The following AGBL1 variants were observed in gnomAD, a reference collection of about 807,000 sequenced individuals.
AGBL1 encodes AGBL carboxypeptidase 1, also known as cytosolic carboxypeptidase 4.
In AGBL1, 130 loss-of-function variants were observed where a neutral mutation model predicts 118.9. That is an observed-to-expected ratio of 1.09 (90% CI 0.95 to 1.26). The LOEUF (loss-of-function observed/expected upper bound fraction) is 1.26. AGBL1 is among the 50% of genes most tolerant of loss of function. The pLI is 0.00. For synonymous variants in AGBL1, 555 were observed against 478.9 expected, an observed-to-expected ratio of 1.16 and a Z score of -2.08; for missense variants, 1,584 against 1,298.1, an observed-to-expected ratio of 1.22 and a Z score of -3.38.
intron 18 of AGBL1, among the ~76,000 whole-genome samples, chr15:86,432,609 T>A (rs1255316992): frequency 6.6e-6 from 1 of 152,188 alleles, no homozygotes; most frequent in Non-Finnish European, 1.5e-5. Context: ...TATTGTAGAG[T>A]TACTCTTTTT....
chr15:86,336,443 C>T lies in AGBL1; in HGVS notation c.2374+41035C>T, dbSNP rs527845371. On this transcript the variant is annotated intron_variant, in intron 17 of 22. Coordinates refer to ENST00000614907, the MANE Select transcript of AGBL1 (RefSeq NM_001386094.1). ...AAAGCATGAGAGAATCAAACAAGTT[C>T]AGAAAATAAATTGCATTTGGAGCTA... Among the ~76,000 whole-genome samples the T allele has an allele frequency of 2.0e-5, 3 of 152,326 alleles. No homozygotes were observed. The East Asian group carries it at 5.8e-4, about 29-fold the overall frequency.
chr15:86,877,538 G>C lies in AGBL1; in HGVS notation c.3159-29549G>C, dbSNP rs1454506567. On this transcript the variant is annotated intron_variant, in intron 22 of 22. Transcript: ENST00000614907. ...AATCTCTCCTTCCTGTTACCGCTGG[G>C]GAAGGGATAAGTAGAAGGTAATGAA... 6.6e-5 allele frequency among the ~76,000 whole-genome samples: 10 copies of C among 152,234 alleles called. 1 individual carries two copies. In the East Asian group the frequency reaches 1.7e-3, roughly 27 times the overall value.
In AGBL1 at chr15:86,593,027, A is replaced by G. The variant is rs116392477; in HGVS notation, c.2994+38490A>G. 3.4e-3 allele frequency among the ~76,000 whole-genome samples: 518 copies of G among 152,158 alleles called. 3 individuals are homozygous for G. The highest frequency in any genetic ancestry group is 0.011 in the African/African-American group (438 of 41,536). On this transcript the variant is annotated intron_variant, in intron 21 of 22. Transcript: ENST00000614907. Reference sequence around the variant, plus strand: ...ATGACAAGGGAAAACCTCTCCCTTTATCTCTATCCTCTCTCTTGCTCTCTC... The same window carrying G: ...ATGACAAGGGAAAACCTCTCCCTTTGTCTCTATCCTCTCTCTTGCTCTCTC...
intron 24 of AGBL1, among the ~76,000 whole-genome samples, chr15:86,999,753 G>A (rs992251416): frequency 6.7e-5 from 10 of 148,362 alleles, no homozygotes; most frequent in African/African-American, 2.0e-4. Flanking sequence ...GTAATGGGAT[G>A]GCTGGGTCAA....
intron 22 of AGBL1, among the ~76,000 whole-genome samples, chr15:86,897,655 G>A (rs2080147449): frequency 6.6e-6 from 1 of 150,564 alleles, no homozygotes; most frequent in African/African-American, 2.4e-5. Context: ...TTTCCCCCCA[G>A]TGGTTTCCAC....
At chr15:86,605,777 G>T (rs1286997192) in intron 21 of AGBL1, among the ~76,000 whole-genome samples, 1 of 152,044 alleles carries the variant, frequency 6.6e-6, no homozygotes, top group African/African-American at 2.4e-5. Flanking sequence ...GTATGTGTGT[G>T]TGCATGTGTG....
chr15:86,195,179 G>C (rs1335712510), intron 5 of AGBL1, among the ~76,000 whole-genome samples: 1 of 152,112 alleles, frequency 6.6e-6, no homozygotes, highest in African/African-American at 2.4e-5. Flanking sequence ...TCTGTCCTGA[G>C]TTTTATAGAT....
intron 16 of AGBL1, among the ~76,000 whole-genome samples, chr15:86,282,223 A>G (rs1342774915): frequency 6.6e-6 from 1 of 152,142 alleles, no homozygotes; most frequent in Non-Finnish European, 1.5e-5. Context: ...GTTAAAGGGA[A>G]ACAAAACACA....
rs1475475615 is a variant in AGBL1 at position 86,268,662 on chromosome 15, A to C, written c.1839-1257A>C. On this transcript the variant is annotated intron_variant, in intron 13 of 22. Transcript: ENST00000614907. Reference sequence around the variant, plus strand: ...CACTGTGGGAATAGCAGACAATTTGAGGGTCATAGACTTTCCAGAATTGTT... The same window carrying C: ...CACTGTGGGAATAGCAGACAATTTGCGGGTCATAGACTTTCCAGAATTGTT... Among the ~76,000 whole-genome samples the C allele has an allele frequency of 2.0e-5, 3 of 152,238 alleles. No homozygotes were observed. In the East Asian group the frequency reaches 5.8e-4, roughly 29 times the overall value.
intron 17 of AGBL1, among the ~76,000 whole-genome samples, chr15:86,323,772 A>G (rs747490488): frequency 6.6e-6 from 1 of 152,198 alleles, no homozygotes; most frequent in Non-Finnish European, 1.5e-5. Flanking sequence ...TTCTGAAACT[A>G]TCCTTTTACC....
chr15:86,489,740 C>T (rs1481291422), intron 18 of AGBL1, among the ~76,000 whole-genome samples: 2 of 152,232 alleles, frequency 1.3e-5, no homozygotes, highest in South Asian at 4.1e-4. Context: ...AAGCCCAAGA[C>T]ATTTGCGATT....
Position 86,271,462 on chromosome 15 carries a change from G to T in AGBL1, c.1988-157G>T, listed in dbSNP as rs545416845. Among the ~76,000 whole-genome samples, 39 of 152,230 alleles carry T rather than the reference G, an allele frequency of 2.6e-4. No individual in the cohort carries two copies. In the South Asian group the frequency reaches 7.3e-3, roughly 28 times the overall value. ...CACCAGGATAATCACCCCATCTCAA[G>T]ATCCTTAACTTAATCATATCTGCAA... On this transcript the variant is annotated intron_variant, in intron 14 of 22. Transcript: ENST00000614907.
intron 17 of AGBL1, among the ~76,000 whole-genome samples, chr15:86,323,241 G>A (rs559095756): frequency 1.4e-4 from 21 of 151,448 alleles, no homozygotes; most frequent in African/African-American, 4.9e-4. Flanking sequence ...CCACCATGTT[G>A]CTAGAAGTGG....
At chr15:86,196,877 G>GCA (rs1411585572) in intron 5 of AGBL1, among the ~76,000 whole-genome samples, 8 of 86,320 alleles carry the variant, frequency 9.3e-5, no homozygotes, top group African/African-American at 2.9e-4. Context: ...GTGCGCGCGC[G>GCA]CGCACACACA....
intron 5 of AGBL1, among the ~76,000 whole-genome samples, chr15:86,171,266 CTT>C (rs1404152045): frequency 1.3e-5 from 2 of 151,984 alleles, no homozygotes; most frequent in Non-Finnish European, 2.9e-5. Context: ...ATTTTAGTCT[CTT>C]TAAAAATAGC....
chr15:86,442,223 C>G (rs1404546545), intron 18 of AGBL1, among the ~76,000 whole-genome samples: 1 of 152,186 alleles, frequency 6.6e-6, no homozygotes, highest in African/African-American at 2.4e-5. Flanking sequence ...AAATCCCTGG[C>G]TTTGAATCTG....
At chr15:86,329,715 C>T (rs2080241352) in intron 17 of AGBL1, among the ~76,000 whole-genome samples, 1 of 152,094 alleles carries the variant, frequency 6.6e-6, no homozygotes, top group Admixed American at 6.5e-5. Context: ...GATTGGCAGC[C>T]TGAGCTGCCA....
At chr15:86,449,354 T>A (rs1022915550) in intron 18 of AGBL1, among the ~76,000 whole-genome samples, 5 of 152,116 alleles carry the variant, frequency 3.3e-5, no homozygotes, top group Admixed American at 6.6e-5. Context: ...TACAGAAAAA[T>A]CCAAGGCAAC....
chr15:86,704,336 C>G (rs556906148), intron 22 of AGBL1, among the ~76,000 whole-genome samples: 13 of 152,276 alleles, frequency 8.5e-5, no homozygotes, highest in African/African-American at 3.1e-4. Flanking sequence ...AAATTATCAT[C>G]AGAGTGAACA....
Sources: gnomAD v4.1 joint callset for allele counts (sites outside exome capture counted in the v4.1 genomes callset) on GRCh38, gnomAD v4.1.1 for gene constraint, MANE v1.5 for transcripts, NCBI Gene and HGNC (gene_info 2026-07-23, HGNC 2026-07-21) for gene names.